CDC25C: variants seen among roughly 807,000 people sequenced by gnomAD.
The protein encoded by CDC25C is cell division cycle 25C.
In CDC25C, 48 loss-of-function variants were observed where a neutral mutation model predicts 52.5. The observed-to-expected ratio is 0.91, with a 90% confidence interval of 0.72 to 1.16. The LOEUF is 1.16. Ranked by LOEUF, CDC25C falls within the 50% of genes most tolerant of loss-of-function variation. The pLI, the probability that CDC25C is intolerant of heterozygous loss-of-function variation, is 0.00. For missense variants in CDC25C, 510 were observed against 566.1 expected (o/e 0.90, Z 1.01); for synonymous variants, 187 against 206.5 (o/e 0.91, Z 0.81).
intron 6 of CDC25C, among the ~76,000 whole-genome samples, chr5:138,321,706 C>T (rs28396140): frequency 4.8e-5 from 6 of 124,196 alleles, no homozygotes; most frequent in Admixed American, 2.0e-4. Flanking sequence ...GAGCTGAGAT[C>T]GCACCACTGC....
In CDC25C at chr5:138,326,314, A is replaced by T. The variant is rs571923001; in HGVS notation, c.336-260T>A. Reference sequence around the variant, plus strand: ...AAGATGAACGAGTTTTATACAATTTACAATTTACTAATTTTCCAGCACAGT... The same window carrying T: ...AAGATGAACGAGTTTTATACAATTTTCAATTTACTAATTTTCCAGCACAGT... On this transcript the variant is annotated intron_variant, in intron 4 of 13. Transcript: ENST00000323760. Among the ~76,000 whole-genome samples the T allele has an allele frequency of 2.0e-5, 3 of 152,146 alleles. No homozygotes were observed. In the East Asian group the frequency reaches 5.8e-4, roughly 29 times the overall value.
chr5:138,314,299 CCT>C (rs1758699633), intron 7 of CDC25C, among the ~76,000 whole-genome samples: 1 of 148,414 alleles, frequency 6.7e-6, no homozygotes, highest in Non-Finnish European at 1.5e-5. Flanking sequence ...ATTCATAGCA[CCT>C]TTTTTTTTTT....
intron 7 of CDC25C, among the ~76,000 whole-genome samples, chr5:138,318,439 C>T (rs1005147406): frequency 8.5e-5 from 13 of 152,114 alleles, no homozygotes; most frequent in African/African-American, 3.1e-4. Flanking sequence ...GTTGGCTGGG[C>T]ATGGTGGCTC....
At position 138,319,258 on chromosome 5, in the gene CDC25C, A is replaced by C; in HGVS notation, c.576T>G (p.Asp192Glu). Residue 192 changes from aspartate to glutamate, a missense_variant, in exon 7 of 14, where the codon GAT (aspartate) becomes GAG (glutamate). Physicochemically the swap from Asp to Glu is conservative, Grantham distance 45. Coordinates refer to ENST00000323760, the MANE Select transcript of CDC25C (RefSeq NM_001790.5). ...CTTTCAGGGAAAACTCCATTAATTC[A>C]TCTGAAATCTCTTCTGCCTGGTCTT... ...LGEDQAEEIS[D>E]ELMEFSLKDQ... 1 of 1,613,664 alleles carries C rather than the reference A, an allele frequency of 6.2e-7. No homozygotes were observed. Among genetic ancestry groups the C allele is most frequent in the Non-Finnish European group, 8.5e-7 (1 of 1,179,786 alleles).
At position 138,331,760 on chromosome 5, in the gene CDC25C, T is replaced by A; in HGVS notation, c.-204A>T. ...GGGTAGGCCAACGTCGGACTCAGAG[T>A]CTTCCCTGAGCAGAAGGCCAAAGTT... On this transcript the variant is annotated 5_prime_UTR_variant, in exon 1 of 14. Coordinates refer to ENST00000323760, the MANE Select transcript of CDC25C (RefSeq NM_001790.5). 1 of 969,794 alleles carries A rather than the reference T, an allele frequency of 1.0e-6. No homozygotes were observed. The highest frequency in any genetic ancestry group is 4.6e-5 in the South Asian group (1 of 21,616). 60.1% of individuals were successfully genotyped at this position (969,794 alleles called of 1,614,324 possible).
intron 6 of CDC25C, among the ~76,000 whole-genome samples, chr5:138,321,549 C>T (rs1478845895): frequency 1.3e-5 from 2 of 151,746 alleles, no homozygotes; most frequent in East Asian, 1.9e-4. Flanking sequence ...GTCAGGAGAT[C>T]GAGAGCATCC....
chr5:138,326,944 C>T, intron 4 of CDC25C, among the ~76,000 whole-genome samples: 1 of 117,164 alleles, frequency 8.5e-6, no homozygotes, highest in Non-Finnish European at 1.7e-5. Flanking sequence ...AAGAGCAAAA[C>T]TCCGTCTCAA....
upstream of CDC25C, among the ~76,000 whole-genome samples, chr5:138,332,608 G>C (rs1024708290): frequency 1.3e-5 from 2 of 152,182 alleles, no homozygotes; most frequent in African/African-American, 4.8e-5. Context: ...GCCCACACCT[G>C]TAATCCCAGC....
In CDC25C at chr5:138,331,166, G is replaced by C. The variant is rs1469072129; in HGVS notation, c.15C>G (p.Leu5=). MSTE[L]FSSTREEGSS... is the part of the protein sequence containing the mutation. ...TTCCTTCCTCTCTTGTGGATGAGAA[G>C]AGTTCCGTAGACATGGTCTTCGAAT... is the stretch of plus-strand genomic sequence containing the variant. Residue 5 remains leucine (L), a synonymous_variant, in exon 2 of 14, where the codon CTC becomes CTG. Coordinates refer to ENST00000323760, the MANE Select transcript of CDC25C (RefSeq NM_001790.5). The C allele has an allele frequency of 1.2e-6, 2 of 1,614,118 alleles. No homozygotes were observed. Among genetic ancestry groups the C allele is most frequent in the Non-Finnish European group, 1.7e-6 (2 of 1,179,970 alleles).
At chr5:138,304,873 A>T (rs1253293376) in intron 7 of CDC25C, among the ~76,000 whole-genome samples, 6 of 152,134 alleles carry the variant, frequency 3.9e-5, no homozygotes, top group Admixed American at 2.6e-4. Flanking sequence ...TTCACAAAAC[A>T]AATCAGACCA....
intron 10 of CDC25C, 40 bp from the exon 11 acceptor site, chr5:138,287,307 C>T: frequency 5.7e-6 from 8 of 1,413,172 alleles, no homozygotes; most frequent in Non-Finnish European, 8.0e-6. Context: ...CTCACTGCCA[C>T]TCTGAGGGAG....
At chr5:138,328,758 C>CCTG in intron 3 of CDC25C, 1 of 409,192 alleles carries the variant, frequency 2.4e-6, no homozygotes, top group Middle Eastern at 6.6e-4. Context: ...AAACACTACA[C>CCTG]TATGCTACCT....
At chr5:138,288,476 C>T (rs1170284039) in intron 10 of CDC25C, among the ~76,000 whole-genome samples, 2 of 152,038 alleles carry the variant, frequency 1.3e-5, no homozygotes, top group Non-Finnish European at 2.9e-5. Context: ...GAGGGTGGAT[C>T]ACCAGAGGAC....
chr5:138,322,677 A>G (rs1205448239), intron 6 of CDC25C, among the ~76,000 whole-genome samples: 13 of 150,526 alleles, frequency 8.6e-5, no homozygotes, highest in Non-Finnish European at 1.5e-5. Context: ...GGGTTTCACC[A>G]TGTTAGCCAG....
intron 4 of CDC25C, among the ~76,000 whole-genome samples, chr5:138,326,576 C>T (rs934454150): frequency 1.2e-4 from 18 of 152,066 alleles, no homozygotes; most frequent in Admixed American, 2.6e-4. Flanking sequence ...CTCCTGACCT[C>T]GTGATCCGCC....
chr5:138,334,223 T>C (rs1445978153), upstream of CDC25C, among the ~76,000 whole-genome samples: 2 of 145,560 alleles, frequency 1.4e-5, no homozygotes, highest in Admixed American at 6.9e-5. Context: ...CATGAGCCAC[T>C]GCGCCCGGCC....
In CDC25C at chr5:138,286,180, A is replaced by C. The variant is rs756622363; in HGVS notation, c.1161-47T>G. On this transcript the variant is annotated intron_variant, in intron 12 of 13. Transcript: ENST00000323760. ...GGGTGGGGTGGAAAGAAACAAGGTC[A>C]GGATCCCAGGGGCCATTCACTGGGG... 3 of 1,432,170 alleles carry C rather than the reference A, an allele frequency of 2.1e-6. No individual in the cohort carries two copies. In the Admixed American group the frequency reaches 5.2e-5, roughly 25 times the overall value. 88.7% of individuals were successfully genotyped at this position (1,432,170 alleles called of 1,614,324 possible).
At chr5:138,286,202 G>T in intron 12 of CDC25C, 69 bp from the exon 13 acceptor site, 1 of 1,190,288 alleles carries the variant, frequency 8.4e-7, no homozygotes, top group Non-Finnish European at 1.2e-6. Context: ...GCCATTCACT[G>T]GGGAGGGGGG....
At chr5:138,298,868 C>A (rs527632076) in intron 7 of CDC25C, among the ~76,000 whole-genome samples, 2 of 151,970 alleles carry the variant, frequency 1.3e-5, no homozygotes, top group Admixed American at 1.3e-4. Context: ...AATCAGTTAA[C>A]AGAAAAAATC....
Sources: allele counts gnomAD v4.1 joint callset (sites outside exome capture counted in the v4.1 genomes callset), GRCh38; gene constraint gnomAD v4.1.1; transcripts MANE v1.5; gene names NCBI Gene and HGNC (gene_info 2026-07-23, HGNC 2026-07-21).